LRRC37A2: variants seen among roughly 807,000 people sequenced by gnomAD.
LRRC37A2 encodes leucine-rich repeat-containing protein 37A2.
A neutral mutation model predicts 68.8 loss-of-function variants in LRRC37A2; 9 were observed. The ratio of observed to expected loss-of-function variants is 0.13; its 90% CI spans 0.08 to 0.23. LRRC37A2 has a LOEUF of 0.23. Among genes scored for constraint, LRRC37A2 ranks in the 10% least tolerant of loss-of-function variants. The pLI, the probability that LRRC37A2 is intolerant of heterozygous loss-of-function variation, is 1.00. For synonymous variants in LRRC37A2, 63 were observed against 367.6 expected (o/e 0.17, Z 9.48); for missense variants, 168 against 950.4 (o/e 0.18, Z 10.82).
the LRRC37A2 span, among the ~76,000 whole-genome samples, chr17:46,845,485 ATTTT>A: frequency 5.9e-4 from 72 of 121,378 alleles, no homozygotes; most frequent in African/African-American, 2.2e-3. Context: ...AGTTATCTGA[ATTTT>A]TTTTTTTTTT....
chr17:46,867,022 G>A, the LRRC37A2 span, among the ~76,000 whole-genome samples: 4 of 152,322 alleles, frequency 2.6e-5, no homozygotes, highest in African/African-American at 2.4e-5. Context: ...TCAAGATCAA[G>A]TTCTCACCTG....
At chr17:46,936,052 C>G in the LRRC37A2 span, 4 of 985,822 alleles carry the variant, frequency 4.1e-6, no homozygotes, top group South Asian at 1.9e-4. Context: ...TCCCTGCCAT[C>G]TCTACGGGGG....
the LRRC37A2 span, among the ~76,000 whole-genome samples, chr17:46,729,511 T>G: frequency 6.8e-6 from 1 of 147,636 alleles, no homozygotes; most frequent in Non-Finnish European, 1.5e-5. Flanking sequence ...TTTGGTAGGT[T>G]AACAAATTTA....
At chr17:46,955,094 A>G in the LRRC37A2 span, among the ~76,000 whole-genome samples, 49 of 151,946 alleles carry the variant, frequency 3.2e-4, no homozygotes, top group Admixed American at 2.8e-3. Context: ...GTCTTGTGCC[A>G]GTTTTCAAAG....
chr17:46,931,859 T>C, the LRRC37A2 span: 1 of 605,720 alleles, frequency 1.7e-6, no homozygotes, highest in South Asian at 1.9e-5. Context: ...GCTGGAATCT[T>C]GTGTGCTACC....
At chr17:46,778,081 C>A in the LRRC37A2 span, among the ~76,000 whole-genome samples, 1 of 152,204 alleles carries the variant, frequency 6.6e-6, no homozygotes, top group African/African-American at 2.4e-5. Context: ...GTGCATGGCA[C>A]GTGGGGAGCC....
At chr17:46,793,397 C>T in the LRRC37A2 span, among the ~76,000 whole-genome samples, 27 of 151,892 alleles carry the variant, frequency 1.8e-4, no homozygotes, top group Non-Finnish European at 3.2e-4. Context: ...TGCTCTGCTG[C>T]TCCGGCCGCT....
intron 11 of LRRC37A2, chr17:46,552,481 C>T (rs1231413626): frequency 2.7e-5 from 1 of 37,228 alleles, no homozygotes; most frequent in Non-Finnish European, 5.0e-5. Context: ...TGCTATGTTG[C>T]CCAGGCTGGT....
the LRRC37A2 span, among the ~76,000 whole-genome samples, chr17:46,473,694 G>A: frequency 1.1e-4 from 6 of 56,660 alleles, 1 homozygote; most frequent in East Asian, 9.7e-4. Flanking sequence ...TCAGGAGTTC[G>A]AGACCAGCCT....
chr17:46,953,154 G>A, the LRRC37A2 span, among the ~76,000 whole-genome samples: 2 of 151,144 alleles, frequency 1.3e-5, no homozygotes, highest in African/African-American at 2.4e-5. Flanking sequence ...CCATTAACTC[G>A]TCATTTAGCA....
At chr17:46,839,961 TTTCTTTCTTTCTTTCTC>T in the LRRC37A2 span, among the ~76,000 whole-genome samples, 5 of 141,450 alleles carry the variant, frequency 3.5e-5, no homozygotes, top group Non-Finnish European at 7.9e-5. Flanking sequence ...TCTTTCTTTC[TTTCTTTCTTTCTTTCTC>T]TTCTTTCTTT....
the LRRC37A2 span, chr17:46,729,031 C>A: frequency 1.3e-6 from 1 of 761,464 alleles, no homozygotes; most frequent in Non-Finnish European, 2.1e-6. Context: ...TTATCATAAA[C>A]ATAAAATTCT....
At chr17:46,780,631 C>A in the LRRC37A2 span, among the ~76,000 whole-genome samples, 2 of 152,092 alleles carry the variant, frequency 1.3e-5, no homozygotes, top group Non-Finnish European at 1.5e-5. Flanking sequence ...AAAAAATTAG[C>A]CGGGCGTGGT....
the LRRC37A2 span, among the ~76,000 whole-genome samples, chr17:46,874,673 G>A: frequency 6.6e-6 from 1 of 152,180 alleles, no homozygotes; most frequent in African/African-American, 2.4e-5. Flanking sequence ...CACCTTCCGG[G>A]TTCAAGTGAT....
chr17:46,755,618 G>A, the LRRC37A2 span: 1 of 711,830 alleles, frequency 1.4e-6, no homozygotes, highest in East Asian at 2.7e-5. Context: ...ATTGGAACCT[G>A]CTTTTACATG....
the LRRC37A2 span, chr17:46,630,392 CT>C: frequency 5.5e-6 from 2 of 366,604 alleles, no homozygotes; most frequent in East Asian, 1.5e-4. Flanking sequence ...TTTTAAGTAT[CT>C]TTTTTTCTCC....
chr17:46,749,984 C>A, the LRRC37A2 span: 1 of 1,482,710 alleles, frequency 6.7e-7, no homozygotes, highest in Non-Finnish European at 9.2e-7. Flanking sequence ...CACATTATAC[C>A]TGGTGTTTGG....
chr17:46,708,818 A>AT, the LRRC37A2 span, among the ~76,000 whole-genome samples: 29 of 104,764 alleles, frequency 2.8e-4, no homozygotes, highest in African/African-American at 1.1e-3. Flanking sequence ...ATATATATAT[A>AT]TATATTTTTT....
At chr17:47,008,111 ATT>A in the LRRC37A2 span, among the ~76,000 whole-genome samples, 21 of 142,212 alleles carry the variant, frequency 1.5e-4, no homozygotes, top group African/African-American at 4.1e-4. Flanking sequence ...AATTTAATTA[ATT>A]TTTTTTTTTT....
Sources: gnomAD v4.1 joint callset for allele counts (sites outside exome capture counted in the v4.1 genomes callset) on GRCh38, gnomAD v4.1.1 for gene constraint, MANE v1.5 for transcripts, NCBI Gene and HGNC (gene_info 2026-07-23, HGNC 2026-07-21) for gene names.